Variants in PTPRN2 observed in about 807,000 individuals in gnomAD.
PTPRN2 encodes the protein protein tyrosine phosphatase receptor type N2, also known as receptor-type tyrosine-protein phosphatase N2.
In PTPRN2, 74 loss-of-function variants were observed where a neutral mutation model predicts 118.8. That is an observed-to-expected ratio of 0.62 (90% confidence interval 0.52 to 0.76). PTPRN2 has a LOEUF of 0.76. Ranked by LOEUF, PTPRN2 falls within the 30% of genes least tolerant of loss-of-function variation. The pLI, the probability that PTPRN2 is intolerant of heterozygous loss-of-function variation, is 0.00. For missense variants in PTPRN2, 1,481 were observed against 1,394.4 expected (o/e 1.06, Z -0.99); for synonymous variants, 641 against 608.0 (o/e 1.05, Z -0.80).
intron 2 of PTPRN2, among the ~76,000 whole-genome samples, chr7:158,473,701 C>G (rs185751908): frequency 4.1e-4 from 62 of 152,316 alleles, no homozygotes; most frequent in African/African-American, 1.5e-3. Context: ...TGAGCTCATT[C>G]AAACTTGACC....
chr7:157,829,611 T>C (rs1196703089), intron 12 of PTPRN2, among the ~76,000 whole-genome samples: 1 of 152,208 alleles, frequency 6.6e-6, no homozygotes, highest in East Asian at 1.9e-4. Flanking sequence ...TGAAGACTCC[T>C]TACAAAGGCG....
chr7:158,127,302 C>A (rs1040986494), intron 9 of PTPRN2, among the ~76,000 whole-genome samples: 6 of 151,978 alleles, frequency 3.9e-5, no homozygotes, highest in African/African-American at 1.4e-4. Context: ...TCCTCCTCTG[C>A]GTGCACCCTG....
In PTPRN2 at chr7:158,167,034, CAGAAGGT is replaced by C; in HGVS notation, c.800_806del (p.Tyr267CysfsTer43). 2 of 1,536,690 alleles carry C rather than the reference CAGAAGGT, an allele frequency of 1.3e-6. No homozygotes were observed. The highest frequency in any genetic ancestry group is 1.8e-6 in the Non-Finnish European group (2 of 1,140,718). The stretch of plus-strand genomic sequence containing the variant: ...GCCTGGGCATTCTTGAGGGTGCACG[CAGAAGGT>C]ACTGTGGCTCCAGGCTGCCCTCCCC... On this transcript the variant is annotated frameshift_variant, in exon 6 of 23. Coordinates refer to ENST00000389418, the MANE Select transcript of PTPRN2 (RefSeq NM_002847.5). LOFTEE classifies it high-confidence loss of function.
In PTPRN2 at chr7:158,082,880, T is replaced by C. The variant is rs1486718378; in HGVS notation, c.1644-1503A>G. Among the ~76,000 whole-genome samples the C allele has an allele frequency of 3.3e-5, 5 of 152,178 alleles. No homozygotes were observed. The East Asian group carries it at 9.7e-4, about 29-fold the overall frequency. On this transcript the variant is annotated intron_variant, in intron 10 of 22. Transcript: ENST00000389418. Reference sequence around the variant, plus strand: ...CCAGGGATGACCATGGAGCAGGAGCTGGTGTCTTCTCGAGCCCAGGCCCCA... The same window carrying C: ...CCAGGGATGACCATGGAGCAGGAGCCGGTGTCTTCTCGAGCCCAGGCCCCA...
At position 158,341,868 on chromosome 7, in the gene PTPRN2, G is replaced by A. The variant is rs1343224404; in HGVS notation, c.164-24936C>T. Among the ~76,000 whole-genome samples, 76 of 65,778 alleles carry A rather than the reference G, an allele frequency of 1.2e-3. 11 individuals carry two copies. The highest frequency in any genetic ancestry group is 3.2e-3 in the Admixed American group (17 of 5,296). The allele number at this position is 65,778 out of a possible 152,430, so 43.2% of individuals were successfully genotyped here. A position where few individuals can be genotyped will look rare whatever the true frequency, so the allele number is the denominator to read the frequency against. ...CACTCTCACCATAAGAGTGTGCCCC[G>A]CAGGCGTCACTCACACCCACACTCA... On this transcript the variant is annotated intron_variant, in intron 2 of 22. Transcript: ENST00000389418.
At chr7:158,543,432 T>A (rs543688687) in intron 1 of PTPRN2, among the ~76,000 whole-genome samples, 1 of 152,380 alleles carries the variant, frequency 6.6e-6, no homozygotes, top group Admixed American at 6.5e-5. Flanking sequence ...GAGGCCTGTC[T>A]GCCACACACG....
intron 11 of PTPRN2, among the ~76,000 whole-genome samples, chr7:157,921,013 C>A (rs1232083984): frequency 6.6e-6 from 1 of 152,110 alleles, no homozygotes; most frequent in Non-Finnish European, 1.5e-5. Context: ...TATGTCCATA[C>A]AAAAATATGC....
intron 15 of PTPRN2, among the ~76,000 whole-genome samples, chr7:157,612,915 C>A (rs961293431): frequency 6.6e-6 from 1 of 152,192 alleles, no homozygotes; most frequent in Middle Eastern, 3.2e-3. Context: ...CCCCCACACC[C>A]CACGGCAGCC....
chr7:158,433,934 T>C (rs531725641), intron 2 of PTPRN2, among the ~76,000 whole-genome samples: 121 of 152,344 alleles, frequency 7.9e-4, no homozygotes, highest in African/African-American at 2.8e-3. Context: ...TGACATTTCT[T>C]CTTTGACAAA....
intron 22 of PTPRN2, among the ~76,000 whole-genome samples, chr7:157,545,837 C>G (rs1279844213): frequency 6.6e-6 from 1 of 152,174 alleles, no homozygotes; most frequent in African/African-American, 2.4e-5. Context: ...AGTTCCAAAC[C>G]AGGCGACGTG....
chr7:157,912,820 T>G (rs1798174737), intron 11 of PTPRN2, among the ~76,000 whole-genome samples: 1 of 152,212 alleles, frequency 6.6e-6, no homozygotes, highest in African/African-American at 2.4e-5. Context: ...GGTCTACTCC[T>G]GGGTTCCCTC....
intron 3 of PTPRN2, among the ~76,000 whole-genome samples, chr7:158,233,959 C>T (rs1377782504): frequency 6.6e-6 from 1 of 152,046 alleles, no homozygotes; most frequent in Non-Finnish European, 1.5e-5. Context: ...TCACCATATA[C>T]AAAAATCGAA....
chr7:157,572,222 A>G (rs1799790599), intron 19 of PTPRN2, among the ~76,000 whole-genome samples: 2 of 152,192 alleles, frequency 1.3e-5, no homozygotes, highest in Non-Finnish European at 2.9e-5. Context: ...CAGTGAAACA[A>G]TGAAACATGT....
intron 15 of PTPRN2, among the ~76,000 whole-genome samples, chr7:157,605,722 T>C (rs1801965003): frequency 6.6e-6 from 1 of 152,130 alleles, no homozygotes; most frequent in Non-Finnish European, 1.5e-5. Context: ...CTGGAGTGGG[T>C]AGCTCCTCTC....
At chr7:158,278,842 A>G (rs1423901734) in intron 3 of PTPRN2, among the ~76,000 whole-genome samples, 1 of 152,108 alleles carries the variant, frequency 6.6e-6, no homozygotes, top group African/African-American at 2.4e-5. Flanking sequence ...CATTCCTCCC[A>G]GTGGGTTCGT....
intron 3 of PTPRN2, among the ~76,000 whole-genome samples, chr7:158,213,860 T>C (rs1330194176): frequency 7.2e-5 from 11 of 152,140 alleles, no homozygotes; most frequent in African/African-American, 2.4e-4. Context: ...TCATGAAAAA[T>C]ATCATTTATA....
At chr7:157,818,316 C>T (rs968393125) in intron 12 of PTPRN2, among the ~76,000 whole-genome samples, 3 of 152,064 alleles carry the variant, frequency 2.0e-5, no homozygotes, top group Non-Finnish European at 4.4e-5. Context: ...GTGGAGGCTG[C>T]GGTCTAGCAG....
intron 9 of PTPRN2, among the ~76,000 whole-genome samples, chr7:158,130,127 C>T (rs1013301827): frequency 6.6e-6 from 1 of 152,138 alleles, no homozygotes; most frequent in African/African-American, 2.4e-5. Flanking sequence ...TATTTCTGCC[C>T]AATTATGATA....
At chr7:157,851,779 C>A (rs531267277) in intron 12 of PTPRN2, among the ~76,000 whole-genome samples, 1 of 152,228 alleles carries the variant, frequency 6.6e-6, no homozygotes, top group Non-Finnish European at 1.5e-5. Context: ...CTCTCACATG[C>A]GGAATTTGGC....
Sources: gnomAD v4.1 joint callset for allele counts (sites outside exome capture counted in the v4.1 genomes callset) on GRCh38, gnomAD v4.1.1 for gene constraint, MANE v1.5 for transcripts, NCBI Gene and HGNC (gene_info 2026-07-23, HGNC 2026-07-21) for gene names.